The following CD28 variants were observed in gnomAD, a reference collection of about 807,000 sequenced individuals.
CD28 encodes T-cell-specific surface glycoprotein CD28.
In CD28, 8 loss-of-function variants were observed where a neutral mutation model predicts 21.4. The observed-to-expected ratio is 0.37, with a 90% CI of 0.22 to 0.68. The LOEUF (loss-of-function observed/expected upper bound fraction) is 0.68, where lower values mean the gene tolerates loss of function less well. Among genes scored for constraint, CD28 ranks in the 30% least tolerant of loss-of-function variants. The pLI is 0.55. For synonymous variants in CD28, 106 were observed against 104.0 expected (o/e 1.02, Z -0.12); for missense variants, 239 against 272.2 (o/e 0.88, Z 0.86).
intron 2 of CD28, among the ~76,000 whole-genome samples, chr2:203,728,281 C>T (rs960282514): frequency 1.3e-5 from 2 of 152,164 alleles, no homozygotes; most frequent in African/African-American, 4.8e-5. Context: ...AATAAGTCTA[C>T]TGAACTTTTG....
chr2:203,726,495 G>A (rs998325917), intron 1 of CD28, 138 bp from the exon 2 acceptor site: 5 of 640,620 alleles, frequency 7.8e-6, no homozygotes, highest in African/African-American at 5.5e-5. Flanking sequence ...ATTATCCCCT[G>A]AAGAGGTCCT....
intron 1 of CD28, among the ~76,000 whole-genome samples, chr2:203,725,770 G>A (rs1693729115): frequency 6.6e-6 from 1 of 152,102 alleles, no homozygotes; most frequent in Non-Finnish European, 1.5e-5. Flanking sequence ...TCTGAATTTG[G>A]TGCAGAAAAC....
chr2:203,726,091 A>T (rs1226113317), intron 1 of CD28, among the ~76,000 whole-genome samples: 1 of 152,094 alleles, frequency 6.6e-6, no homozygotes, highest in East Asian at 1.9e-4. Flanking sequence ...CATACCTGTA[A>T]TCCCAGCTAC....
intron 1 of CD28, among the ~76,000 whole-genome samples, chr2:203,710,813 A>C (rs1693291858): frequency 6.6e-6 from 1 of 152,154 alleles, no homozygotes; most frequent in African/African-American, 2.4e-5. Flanking sequence ...GAGGACGGAC[A>C]CTCCTTCAAA....
At chr2:203,722,536 T>A (rs1693629874) in intron 1 of CD28, among the ~76,000 whole-genome samples, 1 of 152,226 alleles carries the variant, frequency 6.6e-6, no homozygotes, top group Admixed American at 6.5e-5. Flanking sequence ...CGAATCACCA[T>A]CTTTCACTCC....
intron 1 of CD28, among the ~76,000 whole-genome samples, chr2:203,710,405 A>C (rs1413012571): frequency 1.3e-5 from 2 of 152,264 alleles, no homozygotes; most frequent in East Asian, 3.8e-4. Context: ...AAATGGAATG[A>C]GTCATTGCCA....
rs1190750176 is a variant in CD28 at position 203,734,786 on chromosome 2, G to A, written c.537G>A (p.Val179=). 1 of 1,614,092 alleles carries A rather than the reference G, an allele frequency of 6.2e-7. No homozygotes were observed. The highest frequency in any genetic ancestry group is 1.7e-5 in the Admixed American group (1 of 60,012). ...ACTGACACTTCTCTTTCCTGCAGGT[G>A]AGGAGTAAGAGGAGCAGGCTCCTGC... The part of the protein sequence containing the change: ...LVTVAFIIFW[V]RSKRSRLLHS... The change falls in exon 4 of 4, where the codon GTG becomes GTA. Residue 179 remains valine (V), a splice_region_variant and synonymous_variant. Transcript: ENST00000324106.
chr2:203,728,823 T>A (rs1693816738), intron 2 of CD28, among the ~76,000 whole-genome samples: 1 of 152,198 alleles, frequency 6.6e-6, no homozygotes, highest in Non-Finnish European at 1.5e-5. Flanking sequence ...TCATTTATGT[T>A]AGAACTGAGA....
chr2:203,708,748 A>G (rs944457954), intron 1 of CD28, among the ~76,000 whole-genome samples: 2 of 152,262 alleles, frequency 1.3e-5, no homozygotes, highest in African/African-American at 4.8e-5. Context: ...CTAATGAAGA[A>G]GGAAAGAGAT....
chr2:203,709,610 C>A (rs1296579991), intron 1 of CD28, among the ~76,000 whole-genome samples: 1 of 152,098 alleles, frequency 6.6e-6, no homozygotes, highest in African/African-American at 2.4e-5. Context: ...AATTGTGCAA[C>A]TGAGATCCAC....
chr2:203,733,481 A>G (rs562225562), intron 3 of CD28, among the ~76,000 whole-genome samples: 1 of 152,284 alleles, frequency 6.6e-6, no homozygotes, highest in African/African-American at 2.4e-5. Flanking sequence ...TGTTGAGTTT[A>G]GAGTGGCTTT....
rs1290180288 is a variant in CD28 at position 203,729,454 on chromosome 2, T to C, written c.410-194T>C. ...ATCCTAACGTAATGGCTTTCAACTG[T>C]GGTCGTGAAAACTGACCAGATCATG... is the stretch of plus-strand genomic sequence containing the variant. On this transcript the variant is annotated intron_variant, in intron 2 of 3. Coordinates refer to ENST00000324106, the MANE Select transcript of CD28 (RefSeq NM_006139.4). Among the ~76,000 whole-genome samples the C allele has an allele frequency of 2.0e-5, 3 of 152,154 alleles. No individual in the cohort carries two copies. In the East Asian group the frequency reaches 5.8e-4, roughly 29 times the overall value.
rs1278774410 is a variant in CD28, at chr2:203,738,653, G to A, written c.*3741G>A. 6.6e-6 allele frequency: 1 copy of A among 152,180 alleles called. No homozygotes were observed. Among genetic ancestry groups the A allele is most frequent in the Admixed American group, 6.5e-5 (1 of 15,270 alleles). 9.4% of individuals were successfully genotyped at this position (152,180 alleles called of 1,614,324 possible). Reference sequence around the variant, plus strand: ...ACTCTGTCTAGAATGTCCTTCTGTAGATGACCTGGCTTGCCTCGTCACCCT... The same window carrying A: ...ACTCTGTCTAGAATGTCCTTCTGTAAATGACCTGGCTTGCCTCGTCACCCT... On this transcript the variant is annotated 3_prime_UTR_variant, in exon 4 of 4. Coordinates refer to ENST00000324106, the MANE Select transcript of CD28 (RefSeq NM_006139.4).
At chr2:203,706,567 T>C, upstream of CD28, 1 of 1,580,650 alleles carries the variant, frequency 6.3e-7, no homozygotes, top group Non-Finnish European at 8.6e-7. Context: ...CCTAAGGGGA[T>C]GGTGGCGGTG....
At chr2:203,714,481 C>G (rs1269060342) in intron 1 of CD28, among the ~76,000 whole-genome samples, 1 of 149,806 alleles carries the variant, frequency 6.7e-6, no homozygotes, top group Admixed American at 6.7e-5. Context: ...GGAGGCCAGT[C>G]CGCTATTCTT....
rs527739911 is a variant in CD28, at chr2:203,727,719, G to A, written c.409+730G>A. The stretch of plus-strand genomic sequence containing the variant: ...TTTTGAGAGGGAGTCTTGCTCTGTC[G>A]CCCAGGCTGGAATGCGGTGGCGCGA... On this transcript the variant is annotated intron_variant, in intron 2 of 3. Transcript: ENST00000324106. 2.7e-5 allele frequency among the ~76,000 whole-genome samples: 4 copies of A among 150,134 alleles called. No individual in the cohort carries two copies. In the South Asian group the frequency reaches 8.4e-4, roughly 32 times the overall value.
intron 1 of CD28, among the ~76,000 whole-genome samples, chr2:203,712,156 C>T (rs1430521500): frequency 1.3e-5 from 2 of 151,854 alleles, no homozygotes; most frequent in East Asian, 1.9e-4. Context: ...TGTGTCAATG[C>T]ACTCCAGCCT....
chr2:203,729,498 T>C (rs1260768200), intron 2 of CD28, 150 bp from the exon 3 acceptor site: 9 of 773,608 alleles, frequency 1.2e-5, no homozygotes, highest in Non-Finnish European at 1.8e-5. Flanking sequence ...TGGGGTTGGG[T>C]AAGTCTCAAA....
intron 1 of CD28, among the ~76,000 whole-genome samples, chr2:203,719,259 A>G (rs527316386): frequency 3.3e-5 from 5 of 152,274 alleles, no homozygotes; most frequent in South Asian, 4.1e-4. Context: ...TTTCCCCCCA[A>G]TAGCCTCTTC....
Sources: allele counts gnomAD v4.1 joint callset (sites outside exome capture counted in the v4.1 genomes callset), GRCh38; gene constraint gnomAD v4.1.1; transcripts MANE v1.5; gene names NCBI Gene and HGNC (gene_info 2026-07-23, HGNC 2026-07-21).